The following MGA variants were observed in gnomAD, a reference collection of about 807,000 sequenced individuals.
The protein encoded by MGA is MAX gene-associated protein.
In MGA, 40 loss-of-function variants were observed where a neutral mutation model predicts 261.1. That is an observed-to-expected ratio of 0.15 (90% CI 0.12 to 0.20). The LOEUF is 0.20. Ranked by LOEUF, MGA falls within the 10% of genes least tolerant of loss-of-function variation. The probability of loss-of-function intolerance (pLI) is 1.00; values close to 1 mark genes in which losing one functional copy is unlikely to be tolerated. For missense variants in MGA, 3,397 were observed against 3,630.5 expected (o/e 0.94, Z 1.65); for synonymous variants, 1,302 against 1,290.6 (o/e 1.01, Z -0.19).
intron 5 of MGA, among the ~76,000 whole-genome samples, chr15:41,701,579 C>G (rs112851063): frequency 6.6e-6 from 1 of 152,034 alleles, no homozygotes; most frequent in Non-Finnish European, 1.5e-5. Context: ...GGACTCTGGT[C>G]GGGTAGAGTA....
At chr15:41,670,385 G>A (rs565209246) in intron 2 of MGA, among the ~76,000 whole-genome samples, 3 of 152,212 alleles carry the variant, frequency 2.0e-5, no homozygotes, top group Admixed American at 1.3e-4. Context: ...GACAAATACT[G>A]CAAAATATTC....
intron 2 of MGA, among the ~76,000 whole-genome samples, chr15:41,695,298 T>G (rs2059501407): frequency 6.6e-6 from 1 of 152,002 alleles, no homozygotes; most frequent in Non-Finnish European, 1.5e-5. Flanking sequence ...AAGCGATTAT[T>G]CTGCCTCAGC....
chr15:41,621,440 G>C (rs1641021396), intron 1 of MGA: 1 of 152,252 alleles, frequency 6.6e-6, no homozygotes, highest in African/African-American at 2.4e-5. Context: ...TTCGAGCTCG[G>C]TGCCAGGTGA....
rs188105392 is a variant in MGA, at chr15:41,672,645, A to G, written c.1064+2687A>G. On this transcript the variant is annotated intron_variant, in intron 2 of 23. Transcript: ENST00000219905. ...GTGTGTGAAAATGGTATTTAGCTAT[A>G]TGTAAACTTTTTTTCTAAATGCTTG... Among the ~76,000 whole-genome samples, 467 of 152,316 alleles carry G rather than the reference A, an allele frequency of 3.1e-3. 12 individuals carry two copies. Among genetic ancestry groups the G allele is most frequent in the Non-Finnish European group, 8.5e-4 (58 of 68,028 alleles).
At position 41,760,432 on chromosome 15, in the gene MGA, G is replaced by A. The variant is rs372072518; in HGVS notation, c.7301G>A (p.Arg2434Gln). The A allele has an allele frequency of 6.2e-7, 1 of 1,614,006 alleles. No individual in the cohort carries two copies. The highest frequency in any genetic ancestry group is 8.5e-7 in the Non-Finnish European group (1 of 1,179,896). The change falls in exon 20 of 24, where the codon CGG (arginine) becomes CAG (glutamine). Residue 2434 changes from arginine to glutamine, a missense_variant. This residue lies in a region of MGA where 50 missense variants were observed against 121.5 expected (regional missense o/e 0.41). Transcript: ENST00000219905. Reference sequence around the variant, plus strand: ...CGGACACACACTGCCAATGAGCGGCGGCGGCGTGGTGAAATGAGGGATCTC... The same window carrying A: ...CGGACACACACTGCCAATGAGCGGCAGCGGCGTGGTGAAATGAGGGATCTC...
chr15:41,751,291 C>CATGT (rs2062817590), intron 17 of MGA: 2 of 152,040 alleles, frequency 1.3e-5, no homozygotes, highest in South Asian at 4.1e-4. Flanking sequence ...GGTATTGATA[C>CATGT]AGTGCAGGAG....
chr15:41,759,110 AGATT>A (rs1347764888), intron 19 of MGA, among the ~76,000 whole-genome samples: 3 of 152,292 alleles, frequency 2.0e-5, no homozygotes, highest in South Asian at 2.1e-4. Flanking sequence ...AAGGCAAGAT[AGATT>A]GTTTATTGTT....
intron 1 of MGA, among the ~76,000 whole-genome samples, chr15:41,666,564 T>C (rs1318135794): frequency 6.6e-6 from 1 of 152,212 alleles, no homozygotes; most frequent in Admixed American, 6.6e-5. Flanking sequence ...CCTGCACGTG[T>C]TCTCCCTGTC....
intron 10 of MGA, among the ~76,000 whole-genome samples, chr15:41,728,052 G>A (rs377082610): frequency 6.6e-6 from 1 of 152,142 alleles, no homozygotes; most frequent in Non-Finnish European, 1.5e-5. Context: ...AGGGTGGGCC[G>A]GGCGCGGTGG....
chr15:41,679,307 T>C (rs2058546576), intron 2 of MGA, among the ~76,000 whole-genome samples: 1 of 152,146 alleles, frequency 6.6e-6, no homozygotes, highest in Non-Finnish European at 1.5e-5. Flanking sequence ...AGTGCTGGGA[T>C]TACAGGGATT....
intron 10 of MGA, among the ~76,000 whole-genome samples, chr15:41,728,930 A>G (rs984962779): frequency 1.3e-5 from 2 of 152,216 alleles, no homozygotes; most frequent in Non-Finnish European, 2.9e-5. Flanking sequence ...ACCATAGATA[A>G]TTTGAAATGC....
Position 41,669,673 on chromosome 15 carries a change from A to G in MGA, c.779A>G (p.Asp260Gly). 2 of 1,613,768 alleles carry G rather than the reference A, an allele frequency of 1.2e-6. No individual in the cohort carries two copies. The highest frequency in any genetic ancestry group is 1.1e-5 in the South Asian group (1 of 91,060). Residue 260 changes from aspartate (D) to glycine (G), a missense_variant, in exon 2 of 24, where the codon GAT becomes GGT. Physicochemically the swap from Asp to Gly is moderately conservative, Grantham distance 94. Around this residue, in one of 9 missense-constraint regions of MGA, gnomAD observed 563 missense variants for 563.6 expected, o/e 1.00. Coordinates refer to ENST00000219905, the MANE Select transcript of MGA (RefSeq NM_001164273.2). ...AATCCATTTGCCAAAGGCTTTCGGG[A>G]TGATGGGCTGAATAATAAGCCCCAG...
At position 41,729,243 on chromosome 15, in the gene MGA, G is replaced by A. The variant is rs2061388950; in HGVS notation, c.3737G>A (p.Arg1246Gln). ...TGTGCTCGAGTTCGAGTATATGAGC[G>A]AAAAAAAGAGGACCAGAGACAACCA... is the stretch of plus-strand genomic sequence containing the variant. Residue 1246 changes from arginine to glutamine, a missense_variant, in exon 11 of 24, where the codon CGA (arginine) becomes CAA (glutamine). Physicochemically the swap from Arg to Gln is conservative, Grantham distance 43. Transcript: ENST00000219905. 3 of 1,613,398 alleles carry A rather than the reference G, an allele frequency of 1.9e-6. No homozygotes were observed. The highest frequency in any genetic ancestry group is 2.5e-6 in the Non-Finnish European group (3 of 1,179,706).
intron 20 of MGA, 101 bp downstream of exon 20, chr15:41,760,630 A>C: frequency 8.5e-7 from 1 of 1,174,988 alleles, no homozygotes; most frequent in Non-Finnish European, 1.2e-6. Flanking sequence ...ATTGAAATAG[A>C]GCTGCTTAAA....
At position 41,711,119 on chromosome 15, in the gene MGA, A is replaced by C; in HGVS notation, c.2854A>C (p.Asn952His). 5.0e-6 allele frequency: 8 copies of C among 1,614,050 alleles called. No individual in the cohort carries two copies. Among genetic ancestry groups the C allele is most frequent in the Non-Finnish European group, 6.8e-6 (8 of 1,179,892 alleles). The change falls in exon 8 of 24, where the codon AAT becomes CAT. Residue 952 changes from asparagine (N) to histidine (H), a missense_variant. Coordinates refer to ENST00000219905, the MANE Select transcript of MGA (RefSeq NM_001164273.2). ...AGGCATCATCTCAGAAAATCAGGCGAATAACTTTGTTGTGCCAACTTTGGA... is the reference window on the plus strand; with the variant it reads ...AGGCATCATCTCAGAAAATCAGGCGCATAACTTTGTTGTGCCAACTTTGGA...
At position 41,749,896 on chromosome 15, in the gene MGA, A is replaced by G. The variant is rs1427141797; in HGVS notation, c.6289A>G (p.Thr2097Ala). 6.2e-7 allele frequency: 1 copy of G among 1,613,994 alleles called. No individual in the cohort carries two copies. The highest frequency in any genetic ancestry group is 8.5e-7 in the Non-Finnish European group (1 of 1,179,902). The stretch of plus-strand genomic sequence containing the variant: ...CATTTCTGAAAAAGCCAGTAATAAG[A>G]CAGTCCAAAATTTAAGTAAAGTACA... Residue 2097 changes from threonine to alanine, a missense_variant, in exon 17 of 24, where the codon ACA becomes GCA. By Grantham distance (58) the Thr-to-Ala change is moderately conservative. This residue lies in a region of MGA where 1,410 missense variants were observed against 1,386.4 expected (regional missense o/e 1.02). Coordinates refer to ENST00000219905, the MANE Select transcript of MGA (RefSeq NM_001164273.2).
At position 41,735,795 on chromosome 15, in the gene MGA, T is replaced by TA. The variant is rs557603542; in HGVS notation, c.3917-385dup. Among the ~76,000 whole-genome samples, 462 of 152,280 alleles carry TA rather than the reference T, an allele frequency of 3.0e-3. 5 individuals are homozygous for TA. Among genetic ancestry groups the TA allele is most frequent in the African/African-American group, 0.011 (445 of 41,548 alleles). On this transcript the variant is annotated intron_variant, in intron 12 of 23. Coordinates refer to ENST00000219905, the MANE Select transcript of MGA (RefSeq NM_001164273.2). Reference sequence around the variant, plus strand: ...GTTCTTTTGGATTGACTCTAATCTGTACATGTTTCAAAGCATCTAGCAAGT... The same window carrying TA: ...GTTCTTTTGGATTGACTCTAATCTGTAACATGTTTCAAAGCATCTAGCAAGT...
intron 15 of MGA, among the ~76,000 whole-genome samples, chr15:41,746,282 T>G (rs1211576457): frequency 6.6e-6 from 1 of 152,192 alleles, no homozygotes; most frequent in Non-Finnish European, 1.5e-5. Flanking sequence ...GGCTGACGCC[T>G]GTAATCCCAG....
intron 9 of MGA, chr15:41,718,259 A>C (rs2060744267): frequency 4.6e-6 from 1 of 215,252 alleles, no homozygotes; most frequent in African/African-American, 2.4e-5. Context: ...ATATAGATAG[A>C]TATCTTGATA....
Sources: allele counts gnomAD v4.1 joint callset (sites outside exome capture counted in the v4.1 genomes callset), GRCh38; gene constraint gnomAD v4.1.1; regional missense constraint gnomAD v4.1.1; transcripts MANE v1.5; gene names NCBI Gene and HGNC (gene_info 2026-07-23, HGNC 2026-07-21).